Variants in RHOF observed in about 807,000 individuals in gnomAD.
The protein encoded by RHOF is ras homolog family member F, filopodia associated, also known as rho-related GTP-binding protein RhoF.
In RHOF, 21 loss-of-function variants were observed where a neutral mutation model predicts 22.2. The observed-to-expected ratio is 0.95, with a 90% CI of 0.67 to 1.36. RHOF has a LOEUF of 1.36. RHOF is among the 40% of genes most tolerant of loss of function. RHOF has a pLI of 0.00. For missense variants in RHOF, 285 were observed against 293.7 expected, an observed-to-expected ratio of 0.97 and a Z score of 0.22; for synonymous variants, 135 against 131.2, an observed-to-expected ratio of 1.03 and a Z score of -0.20.
At chr12:121,785,593 A>AT (rs1291088922) in intron 2 of RHOF, among the ~76,000 whole-genome samples, 5 of 147,068 alleles carry the variant, frequency 3.4e-5, no homozygotes, top group Admixed American at 1.3e-4. Flanking sequence ...TGCCTGGCTA[A>AT]TTTTTTTTGT....
intron 2 of RHOF, among the ~76,000 whole-genome samples, chr12:121,784,197 T>C (rs1268840952): frequency 3.3e-5 from 5 of 151,960 alleles, no homozygotes; most frequent in Non-Finnish European, 7.3e-5. Context: ...ACTGCCTTTA[T>C]AATAATACAT....
chr12:121,780,626 C>G (rs1874415480), intron 4 of RHOF: 1 of 571,328 alleles, frequency 1.8e-6, no homozygotes, highest in Non-Finnish European at 3.1e-6. Flanking sequence ...CCTCTCTGGG[C>G]CTCAGTTTCT....
intron 4 of RHOF, 123 bp from the exon 5 acceptor site, chr12:121,779,785 T>A (rs1455845356): frequency 9.9e-7 from 1 of 1,006,582 alleles, no homozygotes; most frequent in Non-Finnish European, 1.5e-6. Flanking sequence ...TGGGCCTGTC[T>A]GTCTCCTCCA....
At chr12:121,784,544 CAA>C (rs1184197669) in intron 2 of RHOF, among the ~76,000 whole-genome samples, 10 of 71,536 alleles carry the variant, frequency 1.4e-4, no homozygotes, top group Admixed American at 1.6e-4. Context: ...GACGTCGTCT[CAA>C]AAAAAAAAAA....
chr12:121,793,291 G>A, intron 1 of RHOF, 52 bp from the exon 2 acceptor site: 1 of 1,508,048 alleles, frequency 6.6e-7, no homozygotes, highest in East Asian at 2.5e-5. Context: ...GGGGGCCAAA[G>A]TTCCAGCTGA....
chr12:121,786,069 C>A (rs1320222561), intron 2 of RHOF, among the ~76,000 whole-genome samples: 1 of 151,614 alleles, frequency 6.6e-6, no homozygotes, highest in Non-Finnish European at 1.5e-5. Flanking sequence ...GCGCCCACCA[C>A]CACGCCCGGC....
At chr12:121,780,114 A>AT (rs1442955400) in intron 4 of RHOF, 1 of 160,472 alleles carries the variant, frequency 6.2e-6, no homozygotes, top group East Asian at 1.8e-4. Context: ...CTGGAGTGCA[A>AT]TGGCGCGATC....
At position 121,787,759 on chromosome 12, in the gene RHOF, G is replaced by C. The variant is rs139493861; in HGVS notation, c.226+5393C>G. ...TCTACTAAAAATACAAAAATTAGCC[G>C]GATGTGGTGGCATATGCCTGTAATC... On this transcript the variant is annotated intron_variant, in intron 2 of 4. Transcript: ENST00000267205. Among the ~76,000 whole-genome samples, 446 of 152,058 alleles carry C rather than the reference G, an allele frequency of 2.9e-3. 12 individuals carry two copies. The East Asian group carries it at 0.078, about 27-fold the overall frequency.
rs754641906 is a variant in RHOF, at chr12:121,780,929, G to A, written c.414C>T (p.Asp138=). The change falls in exon 4 of 5, where the codon GAC becomes GAT. Residue 138 remains aspartate, a synonymous_variant. Transcript: ENST00000267205. ...LIGCKTDLRK[D]KEQLRKLRAA... is the part of the protein sequence containing the mutation. ...CCCGGAGCTTCCGCAGCTGCTCCTTGTCCTTCCTCAGGTCTGTCTTGCAGC... is the reference window on the plus strand; with the variant it reads ...CCCGGAGCTTCCGCAGCTGCTCCTTATCCTTCCTCAGGTCTGTCTTGCAGC... The A allele has an allele frequency of 4.3e-6, 7 of 1,613,902 alleles. No individual in the cohort carries two copies. Among genetic ancestry groups the A allele is most frequent in the Non-Finnish European group, 5.1e-6 (6 of 1,179,980 alleles).
At chr12:121,780,526 G>T (rs1465742672) in intron 4 of RHOF, 1 of 437,894 alleles carries the variant, frequency 2.3e-6, no homozygotes, top group Non-Finnish European at 4.1e-6. Flanking sequence ...CAGGACGGCG[G>T]CTCATAGCAC....
At chr12:121,782,653 T>C (rs34415086) in intron 2 of RHOF, 30,772 of 152,330 alleles carry the variant, frequency 0.2, 3,538 homozygotes, top group African/African-American at 0.31. Flanking sequence ...TTGCTGGTGA[T>C]GGGGCATGGC....
In RHOF at chr12:121,779,443, G is replaced by T; in HGVS notation, c.*55C>A. On this transcript the variant is annotated 3_prime_UTR_variant, in exon 5 of 5. Transcript: ENST00000267205. The stretch of plus-strand genomic sequence containing the variant: ...ATGGGGCAGCCTCCCTGGTGCAATC[G>T]GCACCTGGGCCCCCGGGCCCTGTCA... 1 of 1,581,818 alleles carries T rather than the reference G, an allele frequency of 6.3e-7. No individual in the cohort carries two copies.
At position 121,793,507 on chromosome 12, in the gene RHOF, A is replaced by G; in HGVS notation, c.127T>C (p.Ser43Pro). 1 of 1,542,616 alleles carries G rather than the reference A, an allele frequency of 6.5e-7. No homozygotes were observed. Among genetic ancestry groups the G allele is most frequent in the Non-Finnish European group, 8.7e-7 (1 of 1,146,762 alleles). ...TSLLMVYSQG[S>P]FPEHYAPSVF... ...GCTGCGGGCCTCACCTCGGGGAAGG[A>G]GCCCTGGCTGTACACCATGAGCAGC... The change falls in exon 1 of 5, where the codon TCC (serine) becomes CCC (proline). Residue 43 changes from serine (S) to proline (P), a missense_variant. Physicochemically the swap from Ser to Pro is moderately conservative, Grantham distance 74. Transcript: ENST00000267205.
intron 2 of RHOF, 145 bp downstream of exon 2, chr12:121,793,007 C>A: frequency 1.5e-6 from 1 of 677,886 alleles, no homozygotes; most frequent in Non-Finnish European, 2.5e-6. Context: ...CCGCAGCCAG[C>A]GCCCCTGAGC....
In RHOF at chr12:121,793,625, G is replaced by T; in HGVS notation, c.9C>A (p.Ala3=). 6.5e-7 allele frequency: 1 copy of T among 1,541,804 alleles called. No individual in the cohort carries two copies. Among genetic ancestry groups the T allele is most frequent in the Non-Finnish European group, 8.7e-7 (1 of 1,149,992 alleles). MD[A]PGALAQTAAP... ...CGGCGGTCTGGGCCAGGGCCCCGGG[G>T]GCATCCATTGCCCGGAGCCCGCAGC... The change falls in exon 1 of 5, where the codon GCC becomes GCA. Residue 3 remains alanine (A), a synonymous_variant. Transcript: ENST00000267205.
chr12:121,779,535 T>TG lies in RHOF; in HGVS notation c.598dup (p.Gln200ProfsTer24). On this transcript the variant is annotated frameshift_variant, in exon 5 of 5. Coordinates refer to ENST00000267205, the MANE Select transcript of RHOF (RefSeq NM_019034.3). LOFTEE classifies it high-confidence loss of function. The stretch of plus-strand genomic sequence containing the variant: ...GCAGAGCCGGCGCTTCTTCTGCCGT[T>TG]GCGCCTTCTTCAGAGCGCTGAGAGC... 1 of 1,613,052 alleles carries TG rather than the reference T, an allele frequency of 6.2e-7. No homozygotes were observed. Among genetic ancestry groups the TG allele is most frequent in the South Asian group, 1.1e-5 (1 of 91,088 alleles).
intron 2 of RHOF, chr12:121,781,441 A>G (rs1874454049): frequency 8.7e-6 from 4 of 457,462 alleles, no homozygotes; most frequent in Admixed American, 3.7e-5. Flanking sequence ...ACTGCACTCC[A>G]GCCTGGGTGA....
chr12:121,785,127 C>T (rs1195050009), intron 2 of RHOF, among the ~76,000 whole-genome samples: 1 of 152,144 alleles, frequency 6.6e-6, no homozygotes, highest in Non-Finnish European at 1.5e-5. Context: ...AGTTCAAGAC[C>T]AGCCTGGCTT....
At chr12:121,790,196 C>T (rs570503573) in intron 2 of RHOF, among the ~76,000 whole-genome samples, 1 of 152,380 alleles carries the variant, frequency 6.6e-6, no homozygotes, top group Non-Finnish European at 1.5e-5. Flanking sequence ...AGCGTCCGGC[C>T]CCTGCCCAGG....
Sources: allele counts gnomAD v4.1 joint callset (sites outside exome capture counted in the v4.1 genomes callset), GRCh38; gene constraint gnomAD v4.1.1; transcripts MANE v1.5; gene names NCBI Gene and HGNC (gene_info 2026-07-23, HGNC 2026-07-21).